CEACAM4: variants seen among roughly 807,000 people sequenced by gnomAD.
The protein encoded by CEACAM4 is cell adhesion molecule CEACAM4.
In CEACAM4, 30 loss-of-function variants were observed where a neutral mutation model predicts 28.7. The observed-to-expected ratio is 1.05, with a 90% confidence interval of 0.78 to 1.42. The LOEUF is 1.42. Among genes scored for constraint, CEACAM4 ranks in the 40% most tolerant of loss-of-function variants. The pLI is 0.00. For synonymous variants in CEACAM4, 143 were observed against 126.5 expected (o/e 1.13, Z -0.87); for missense variants, 330 against 308.2 (o/e 1.07, Z -0.53).
chr19:41,615,246 C>T (rs1477571131), downstream of CEACAM4, among the ~76,000 whole-genome samples: 1 of 151,932 alleles, frequency 6.6e-6, no homozygotes, highest in Admixed American at 6.6e-5. Flanking sequence ...TTTCCTAATA[C>T]CTGCTGTTCA....
chr19:41,624,010 G>A (rs2071480897), intron 2 of CEACAM4, among the ~76,000 whole-genome samples: 4 of 152,120 alleles, frequency 2.6e-5, no homozygotes, highest in Non-Finnish European at 5.9e-5. Context: ...TAGGAGAAAC[G>A]GGCCAGATGA....
downstream of CEACAM4, among the ~76,000 whole-genome samples, chr19:41,618,468 A>C (rs934239402): frequency 2.0e-5 from 3 of 152,200 alleles, no homozygotes; most frequent in African/African-American, 7.2e-5. Flanking sequence ...TGTCCTGAGC[A>C]GTAGCCACTG....
At chr19:41,616,463 C>A (rs999600659), downstream of CEACAM4, among the ~76,000 whole-genome samples, 1 of 151,302 alleles carries the variant, frequency 6.6e-6, no homozygotes, top group Admixed American at 6.6e-5. Context: ...AAAGCATTCT[C>A]ATATATACAT....
chr19:41,617,067 A>G (rs2070994442), downstream of CEACAM4, among the ~76,000 whole-genome samples: 1 of 152,228 alleles, frequency 6.6e-6, no homozygotes, highest in African/African-American at 2.4e-5. Flanking sequence ...TTTCTCATAT[A>G]GAATAGAATG....
At chr19:41,618,304 G>C (rs142730278), downstream of CEACAM4, among the ~76,000 whole-genome samples, 12 of 152,288 alleles carry the variant, frequency 7.9e-5, no homozygotes, top group East Asian at 2.3e-3. Flanking sequence ...TAAAGAGTTG[G>C]CTTGCTCAGT....
Position 41,619,250 on chromosome 19 carries a change from G to A in CEACAM4, c.*80C>T, listed in dbSNP as rs148938635. 3.4e-3 allele frequency: 4,019 copies of A among 1,184,200 alleles called. 82 individuals carry two copies. In the African/African-American group the frequency reaches 0.049, roughly 14 times the overall value. 73.4% of individuals were successfully genotyped at this position (1,184,200 alleles called of 1,614,324 possible). A position where few individuals can be genotyped will look rare whatever the true frequency, so the allele number is the denominator to read the frequency against. On this transcript the variant is annotated 3_prime_UTR_variant, in exon 7 of 7. Transcript: ENST00000221954. The stretch of plus-strand genomic sequence containing the variant: ...ACTCAGAGCTGGTTCTCTGGCTCAG[G>A]CTCCATGTCCTTCCCCGTCCCCAGG...
At position 41,626,069 on chromosome 19, in the gene CEACAM4, T is replaced by C. The variant is rs1156913684; in HGVS notation, c.65-109A>G. 4 of 20,548 alleles carry C rather than the reference T, an allele frequency of 1.9e-4. No individual in the cohort carries two copies. The East Asian group carries it at 0.012, about 62-fold the overall frequency. 1.3% of individuals were successfully genotyped at this position (20,548 alleles called of 1,614,324 possible). A position where few individuals can be genotyped will look rare whatever the true frequency, so the allele number is the denominator to read the frequency against. ...CCTCATCCCTCAGCCTTGGAGTGTG[T>C]GTGTGTGTGTGTGTGTGTGTGTGTG... On this transcript the variant is annotated intron_variant, in intron 1 of 6. Transcript: ENST00000221954.
intron 2 of CEACAM4, among the ~76,000 whole-genome samples, chr19:41,622,743 C>T (rs1465801094): frequency 6.6e-6 from 1 of 152,138 alleles, no homozygotes; most frequent in Non-Finnish European, 1.5e-5. Context: ...AGCTCTCGCC[C>T]TGTGTATAAC....
rs570247564 is a variant in CEACAM4, at chr19:41,620,212, G to A, written c.626C>T (p.Ser209Leu). The change falls in exon 5 of 7, where the codon TCG becomes TTG. Residue 209 changes from serine to leucine, a missense_variant and splice_region_variant. Transcript: ENST00000221954. ...GHGPSHRSTF[S>L]APLPSPRTAT... is the part of the protein sequence containing the mutation. ...GGGCTGGGGAGGGAACAGGCTTACC[G>A]AGAAGGTGGATCTGTGAGAGGGACC... 52 of 1,492,432 alleles carry A rather than the reference G, an allele frequency of 3.5e-5. No homozygotes were observed. The highest frequency in any genetic ancestry group is 4.4e-5 in the Non-Finnish European group (49 of 1,126,428). 92.4% of individuals were successfully genotyped at this position (1,492,432 alleles called of 1,614,324 possible).
downstream of CEACAM4, among the ~76,000 whole-genome samples, chr19:41,618,244 A>G (rs551454688): frequency 7.2e-5 from 11 of 152,284 alleles, no homozygotes; most frequent in South Asian, 2.1e-3. Flanking sequence ...GGGAGCCTGC[A>G]TGAGCTTTAG....
chr19:41,621,276 C>T (rs1196366140), intron 3 of CEACAM4, among the ~76,000 whole-genome samples: 2 of 152,162 alleles, frequency 1.3e-5, no homozygotes, highest in East Asian at 1.9e-4. Flanking sequence ...CCAGGACCCC[C>T]ACCATGGATC....
At chr19:41,618,947 C>T (rs985571457), downstream of CEACAM4, 9 of 227,206 alleles carry the variant, frequency 4.0e-5, no homozygotes, top group Non-Finnish European at 6.0e-5. Context: ...CTGTGTGACC[C>T]GGGAGAGAAT....
chr19:41,620,737 C>T, intron 3 of CEACAM4, 110 bp from the exon 4 acceptor site: 1 of 889,504 alleles, frequency 1.1e-6, no homozygotes. Flanking sequence ...GTGAAGGCCT[C>T]CTGTCTCCAT....
intron 2 of CEACAM4, among the ~76,000 whole-genome samples, chr19:41,624,830 G>C (rs191899267): frequency 6.6e-6 from 1 of 152,332 alleles, no homozygotes; most frequent in Non-Finnish European, 1.5e-5. Flanking sequence ...GATCTGACAT[G>C]AAGCTTGGCA....
chr19:41,626,979 C>T lies in CEACAM4; in HGVS notation c.-16G>A. On this transcript the variant is annotated 5_prime_UTR_variant, in exon 1 of 7. Coordinates refer to ENST00000221954, the MANE Select transcript of CEACAM4 (RefSeq NM_001817.4). ...GGGGGCCCATGGTCTCTGCTGCCTG[C>T]TTGTCCTCTGTGGAGAGGAGCTGGG... 1.3e-6 allele frequency: 2 copies of T among 1,596,724 alleles called. No homozygotes were observed. Among genetic ancestry groups the T allele is most frequent in the Non-Finnish European group, 1.7e-6 (2 of 1,171,718 alleles).
rs1555803685 is a variant in CEACAM4, at chr19:41,625,763, C to T, written c.262G>A (p.Ala88Thr). Reference protein sequence around the residue: ...LIAGYITDIQANIPGAAYSGR... With the variant: ...LIAGYITDIQTNIPGAAYSGR... ...CTGTATGCGGCCCCTGGGATATTTG[C>T]TTGAATGTCTGTTATATAACCAGCA... is the stretch of plus-strand genomic sequence containing the variant. Residue 88 changes from alanine to threonine, a missense_variant, in exon 2 of 7, where the codon GCA (alanine) becomes ACA (threonine). By Grantham distance (58) the Ala-to-Thr change is moderately conservative. Coordinates refer to ENST00000221954, the MANE Select transcript of CEACAM4 (RefSeq NM_001817.4). 5.0e-6 allele frequency: 8 copies of T among 1,613,988 alleles called. No homozygotes were observed. In the South Asian group the frequency reaches 6.6e-5, roughly 13 times the overall value.
At chr19:41,619,738 G>A (rs1490955550) in intron 5 of CEACAM4, 27 bp from the exon 6 acceptor site, 2 of 1,543,662 alleles carry the variant, frequency 1.3e-6, no homozygotes, top group Non-Finnish European at 8.7e-7. Context: ...GGAGATGTCA[G>A]GGGACAGGGA....
chr19:41,620,838 C>G (rs930745236), intron 3 of CEACAM4, among the ~76,000 whole-genome samples: 1 of 152,010 alleles, frequency 6.6e-6, no homozygotes, highest in Non-Finnish European at 1.5e-5. Context: ...AGGACCCCCC[C>G]AGGCAGATGC....
At chr19:41,625,440 G>T in intron 2 of CEACAM4, 161 bp downstream of exon 2, 2 of 848,580 alleles carry the variant, frequency 2.4e-6, no homozygotes, top group Non-Finnish European at 3.7e-6. Flanking sequence ...ATTCTGATCT[G>T]TTGAAGTTTA....
Sources: allele counts gnomAD v4.1 joint callset (sites outside exome capture counted in the v4.1 genomes callset), GRCh38; gene constraint gnomAD v4.1.1; transcripts MANE v1.5; gene names NCBI Gene and HGNC (gene_info 2026-07-23, HGNC 2026-07-21).